OSBPL10: variants seen among roughly 807,000 people sequenced by gnomAD.
OSBPL10 encodes the protein oxysterol binding protein like 10.
OSBPL10 carries 49 observed loss-of-function variants against 81.7 expected under a neutral mutation model. The ratio of observed to expected loss-of-function variants is 0.60; its 90% confidence interval spans 0.48 to 0.76. The LOEUF (loss-of-function observed/expected upper bound fraction) is 0.76, where lower values mean the gene tolerates loss of function less well. Among genes scored for constraint, OSBPL10 ranks in the 30% least tolerant of loss-of-function variants. The pLI, the probability that OSBPL10 is intolerant of heterozygous loss-of-function variation, is 0.00. For synonymous variants in OSBPL10, 419 were observed against 383.6 expected, an observed-to-expected ratio of 1.09 and a Z score of -1.08; for missense variants, 923 against 987.8, an observed-to-expected ratio of 0.93 and a Z score of 0.88.
intron 6 of OSBPL10, among the ~76,000 whole-genome samples, chr3:31,731,540 G>A (rs1696972423): frequency 6.6e-6 from 1 of 150,508 alleles, no homozygotes; most frequent in Non-Finnish European, 1.5e-5. Context: ...CCAGGCTGGA[G>A]TGCAATGGTG....
intron 2 of OSBPL10, among the ~76,000 whole-genome samples, chr3:31,994,360 C>T (rs1029920619): frequency 6.6e-6 from 1 of 152,040 alleles, no homozygotes; most frequent in African/African-American, 2.4e-5. Flanking sequence ...CATAGACTGT[C>T]CACCAAAAAT....
At chr3:32,047,799 A>G (rs1053292177) in intron 1 of OSBPL10, among the ~76,000 whole-genome samples, 1 of 151,814 alleles carries the variant, frequency 6.6e-6, no homozygotes, top group African/African-American at 2.4e-5. Flanking sequence ...AGTAGCTGGG[A>G]CTACAGGCAC....
At chr3:32,074,726 G>A (rs1250469494) in intron 1 of OSBPL10, among the ~76,000 whole-genome samples, 1 of 152,124 alleles carries the variant, frequency 6.6e-6, no homozygotes, top group Non-Finnish European at 1.5e-5. Flanking sequence ...CTCCCTCTAT[G>A]CAGTTGCACC....
intron 6 of OSBPL10, among the ~76,000 whole-genome samples, chr3:31,727,219 T>C (rs1420404193): frequency 6.6e-6 from 1 of 152,096 alleles, no homozygotes; most frequent in Non-Finnish European, 1.5e-5. Flanking sequence ...GGAGATAGTG[T>C]AGTATGAAGG....
chr3:31,961,472 T>C, intron 1 of OSBPL10, among the ~76,000 whole-genome samples: 1 of 152,226 alleles, frequency 6.6e-6, no homozygotes, highest in Non-Finnish European at 1.5e-5. Flanking sequence ...ATGGGAACTC[T>C]ATATTTCCAA....
chr3:31,976,342 A>G (rs1328711911), intron 1 of OSBPL10, among the ~76,000 whole-genome samples: 2 of 152,224 alleles, frequency 1.3e-5, no homozygotes, highest in African/African-American at 2.4e-5. Flanking sequence ...CACATTTAGC[A>G]GAAGAGAAAA....
chr3:32,000,771 C>T (rs1208021105), intron 2 of OSBPL10, among the ~76,000 whole-genome samples: 1 of 152,156 alleles, frequency 6.6e-6, no homozygotes, highest in Non-Finnish European at 1.5e-5. Context: ...CTTCTCTGCT[C>T]AGCACTCTCC....
At chr3:31,751,870 C>A (rs189287498) in intron 4 of OSBPL10, among the ~76,000 whole-genome samples, 6 of 152,264 alleles carry the variant, frequency 3.9e-5, no homozygotes. Context: ...GTTGAATGAA[C>A]CCTGAAAGAA....
At chr3:31,948,822 AAGG>A (rs1697777454) in intron 1 of OSBPL10, among the ~76,000 whole-genome samples, 1 of 152,232 alleles carries the variant, frequency 6.6e-6, no homozygotes, top group African/African-American at 2.4e-5. Context: ...GAATTGACTT[AAGG>A]AGAACTTCAG....
intron 2 of OSBPL10, among the ~76,000 whole-genome samples, chr3:32,020,959 T>C (rs1315355939): frequency 1.3e-5 from 2 of 152,240 alleles, no homozygotes; most frequent in Non-Finnish European, 2.9e-5. Context: ...AGTTGGTTTC[T>C]GCCATGGACT....
At chr3:31,816,992 C>T (rs1699852226) in intron 4 of OSBPL10, among the ~76,000 whole-genome samples, 1 of 152,218 alleles carries the variant, frequency 6.6e-6, no homozygotes, top group African/African-American at 2.4e-5. Flanking sequence ...TCTCTCTGCC[C>T]TCTTCGTCCC....
intron 8 of OSBPL10, 120 bp downstream of exon 8, chr3:31,683,514 T>C (rs1005077358): frequency 1.4e-6 from 2 of 1,424,856 alleles, no homozygotes; most frequent in East Asian, 2.3e-5. Flanking sequence ...CACACTCTAA[T>C]TCCAAAACCA....
intron 3 of OSBPL10, among the ~76,000 whole-genome samples, chr3:31,842,592 T>C (rs575004377): frequency 6.6e-6 from 1 of 152,346 alleles, no homozygotes; most frequent in South Asian, 2.1e-4. Context: ...TTAGAGCACA[T>C]GAAGAAGAAA....
intron 1 of OSBPL10, among the ~76,000 whole-genome samples, chr3:31,965,894 T>TTATATATTATATAAAATAGATATAGATAA (rs1698382947): frequency 1.3e-5 from 1 of 78,282 alleles, no homozygotes; most frequent in Non-Finnish European, 2.0e-5. Context: ...ATAACATATA[T>TTATATATTATATAAAATAGATATAGATAA]TATATATTAT....
chr3:31,701,205 C>T (rs1296494476), intron 7 of OSBPL10, among the ~76,000 whole-genome samples: 2 of 152,180 alleles, frequency 1.3e-5, no homozygotes, highest in African/African-American at 2.4e-5. Flanking sequence ...TCTTCTCTTG[C>T]CCCCTGCCTA....
At chr3:31,756,902 A>G (rs1281057079) in intron 4 of OSBPL10, among the ~76,000 whole-genome samples, 1 of 152,234 alleles carries the variant, frequency 6.6e-6, no homozygotes, top group African/African-American at 2.4e-5. Flanking sequence ...TGAAGAACCA[A>G]TGGAAAAGTG....
chr3:31,715,830 C>T (rs1696413483), intron 6 of OSBPL10, among the ~76,000 whole-genome samples: 1 of 152,182 alleles, frequency 6.6e-6, no homozygotes, highest in South Asian at 2.1e-4. Context: ...GATTTCTTCT[C>T]ATCTGCGGAT....
chr3:32,057,921 T>G lies in OSBPL10; in HGVS notation n.186-11318A>C, dbSNP rs538197653. 2.0e-5 allele frequency among the ~76,000 whole-genome samples: 3 copies of G among 152,276 alleles called. No individual in the cohort carries two copies. In the South Asian group the frequency reaches 6.2e-4, roughly 32 times the overall value. ...CTGGCACTTGAGGAAGGGCAACCTA[T>G]GCAAAGGAACTGGCCTGTGGCAAGA... On this transcript the variant is annotated intron_variant and non_coding_transcript_variant, in intron 1 of 3. Coordinates refer to the OSBPL10 transcript ENST00000479173.
intron 1 of OSBPL10, among the ~76,000 whole-genome samples, chr3:31,900,862 A>T (rs1559510984): frequency 6.6e-6 from 1 of 152,326 alleles, no homozygotes; most frequent in East Asian, 1.9e-4. Context: ...AAGTATTTTT[A>T]CCATTAAGTA....
Sources: gnomAD v4.1 joint callset for allele counts (sites outside exome capture counted in the v4.1 genomes callset) on GRCh38, gnomAD v4.1.1 for gene constraint, MANE v1.5 for transcripts, NCBI Gene and HGNC (gene_info 2026-07-23, HGNC 2026-07-21) for gene names.